DPF3: variants seen among roughly 807,000 people sequenced by gnomAD.
DPF3 encodes zinc finger protein DPF3.
Under a neutral mutation model 56.8 loss-of-function variants are expected in DPF3, and 18 were observed. The ratio of observed to expected loss-of-function variants is 0.32; its 90% CI spans 0.22 to 0.47. DPF3 has a LOEUF of 0.47. Ranked by LOEUF, DPF3 falls within the 20% of genes least tolerant of loss-of-function variation. DPF3 has a pLI of 1.00. For synonymous variants in DPF3, 188 were observed against 180.2 expected, an observed-to-expected ratio of 1.04 and a Z score of -0.35; for missense variants, 403 against 488.8, an observed-to-expected ratio of 0.82 and a Z score of 1.65.
intron 1 of DPF3, among the ~76,000 whole-genome samples, chr14:72,844,797 C>T (rs1386083738): frequency 1.3e-5 from 2 of 152,194 alleles, no homozygotes; most frequent in African/African-American, 4.8e-5. Context: ...CACATATAAT[C>T]TAGTGCACAG....
chr14:72,669,525 A>G (rs1322599729), intron 8 of DPF3, among the ~76,000 whole-genome samples: 2 of 152,128 alleles, frequency 1.3e-5, no homozygotes, highest in Non-Finnish European at 2.9e-5. Flanking sequence ...TACCACCTAG[A>G]CATGCAGTGC....
rs902997444 is a variant in DPF3 at position 72,836,376 on chromosome 14, G to A, written c.32+57681C>T. The A allele has an allele frequency of 6.1e-6, 6 of 985,428 alleles. No homozygotes were observed. In the African/African-American group the frequency reaches 1.0e-4, roughly 17 times the overall value. 61.0% of individuals were successfully genotyped at this position (985,428 alleles called of 1,614,324 possible). ...GGCACACCAGCACTCCAGAGAAACTGTCAGAGCAGGGGGCAAACCCCTGGC... is the reference window on the plus strand; with the variant it reads ...GGCACACCAGCACTCCAGAGAAACTATCAGAGCAGGGGGCAAACCCCTGGC... On this transcript the variant is annotated intron_variant, in intron 1 of 10. Coordinates refer to ENST00000556509, the MANE Select transcript of DPF3 (RefSeq NM_001280542.3).
intron 1 of DPF3, among the ~76,000 whole-genome samples, chr14:72,861,739 G>GAAAGAAAGAGAAAA (rs1442940130): frequency 1.1e-5 from 1 of 91,788 alleles, no homozygotes. Flanking sequence ...GAAAGAAAGA[G>GAAAGAAAGAGAAAA]AAAGAAAGAA....
At chr14:72,728,397 G>A (rs1889497201) in intron 4 of DPF3, among the ~76,000 whole-genome samples, 1 of 152,128 alleles carries the variant, frequency 6.6e-6, no homozygotes, top group South Asian at 2.1e-4. Flanking sequence ...CAGATAAAGG[G>A]CACAGCGGGA....
chr14:72,727,567 C>G (rs564252221), intron 4 of DPF3, among the ~76,000 whole-genome samples: 1 of 148,808 alleles, frequency 6.7e-6, no homozygotes, highest in African/African-American at 2.5e-5. Flanking sequence ...CGAGGCGAGA[C>G]TCCATCTCAA....
At chr14:72,648,597 G>A (rs945068525) in intron 8 of DPF3, among the ~76,000 whole-genome samples, 5 of 147,590 alleles carry the variant, frequency 3.4e-5, no homozygotes, top group African/African-American at 1.0e-4. Flanking sequence ...AGAATAAAAC[G>A]ATCGCATCTT....
At chr14:72,838,905 A>ATATATATATATATATATATTTTTTT in intron 1 of DPF3, among the ~76,000 whole-genome samples, 3 of 64,504 alleles carry the variant, frequency 4.7e-5, no homozygotes, top group African/African-American at 1.3e-4. Flanking sequence ...TATCATATAT[A>ATATATATATATATATATATTTTTTT]TTCTTTTTTT....
chr14:72,790,379 G>A lies in DPF3; in HGVS notation c.33-18486C>T, dbSNP rs118138392. On this transcript the variant is annotated intron_variant, in intron 1 of 10. Coordinates refer to ENST00000556509, the MANE Select transcript of DPF3 (RefSeq NM_001280542.3). ...TAAAGCTGGTCCCTAGCATATAGTA[G>A]GCACTATATAAATATGAGTTGGATG... Among the ~76,000 whole-genome samples, 1,370 of 152,224 alleles carry A rather than the reference G, an allele frequency of 9.0e-3. 15 individuals carry two copies. Among genetic ancestry groups the A allele is most frequent in the South Asian group, 0.023 (113 of 4,816 alleles).
chr14:72,670,528 A>C (rs1886623957), intron 8 of DPF3: 46 of 957,450 alleles, frequency 4.8e-5, no homozygotes, highest in Non-Finnish European at 5.6e-5. Context: ...GGGGAGCCGC[A>C]AACTCCGTGG....
intron 8 of DPF3, chr14:72,662,050 G>A (rs982030456): frequency 1.0e-6 from 1 of 985,104 alleles, no homozygotes; most frequent in Non-Finnish European, 1.2e-6. Context: ...AGGGGGCAAT[G>A]AGGGTGGGGG....
intron 7 of DPF3, among the ~76,000 whole-genome samples, chr14:72,678,807 A>G (rs1315142960): frequency 1.3e-5 from 2 of 152,244 alleles, no homozygotes; most frequent in Non-Finnish European, 2.9e-5. Flanking sequence ...CTGAGATCAT[A>G]TAAGAGATAC....
At chr14:72,819,569 AGCT>A (rs1387396447) in intron 1 of DPF3, among the ~76,000 whole-genome samples, 2 of 152,216 alleles carry the variant, frequency 1.3e-5, no homozygotes, top group Non-Finnish European at 2.9e-5. Flanking sequence ...AATAAAAATT[AGCT>A]GCTAATGTAC....
chr14:72,750,329 G>A (rs940169239), intron 3 of DPF3, among the ~76,000 whole-genome samples: 1 of 152,134 alleles, frequency 6.6e-6, no homozygotes, highest in Admixed American at 6.6e-5. Context: ...TGATATCTAA[G>A]GTATCGTATA....
intron 1 of DPF3, among the ~76,000 whole-genome samples, chr14:72,885,133 A>G (rs1159759836): frequency 6.8e-6 from 1 of 146,494 alleles, no homozygotes; most frequent in Non-Finnish European, 1.5e-5. Context: ...CTCAAAAAAA[A>G]AAAACAGGAA....
intron 7 of DPF3, among the ~76,000 whole-genome samples, chr14:72,676,789 C>T: frequency 6.6e-6 from 1 of 152,214 alleles, no homozygotes; most frequent in East Asian, 1.9e-4. Context: ...ACTGTGAGTC[C>T]ATTAAATCTC....
At chr14:72,658,085 T>C (rs1886106420) in intron 8 of DPF3, among the ~76,000 whole-genome samples, 1 of 152,232 alleles carries the variant, frequency 6.6e-6, no homozygotes, top group Non-Finnish European at 1.5e-5. Flanking sequence ...TACTATTTGA[T>C]GGCACAGTAG....
intron 1 of DPF3, among the ~76,000 whole-genome samples, chr14:72,882,293 C>T (rs911146315): frequency 2.0e-5 from 3 of 152,150 alleles, no homozygotes; most frequent in Non-Finnish European, 2.9e-5. Context: ...TCTTTCTTTA[C>T]TTCTTTCCTT....
intron 2 of DPF3, among the ~76,000 whole-genome samples, chr14:72,759,152 T>C (rs142793670): frequency 6.6e-6 from 1 of 152,156 alleles, no homozygotes. Flanking sequence ...AACTATAATG[T>C]GCAAGATGAA....
intron 1 of DPF3, among the ~76,000 whole-genome samples, chr14:72,878,629 C>A (rs1462069816): frequency 6.6e-6 from 1 of 152,228 alleles, no homozygotes; most frequent in Non-Finnish European, 1.5e-5. Flanking sequence ...GGAAATCCCA[C>A]ACACAGCTAA....
Sources: allele counts gnomAD v4.1 joint callset (sites outside exome capture counted in the v4.1 genomes callset), GRCh38; gene constraint gnomAD v4.1.1; transcripts MANE v1.5; gene names NCBI Gene and HGNC (gene_info 2026-07-23, HGNC 2026-07-21).